The following CTNNA2 variants were observed in gnomAD, a reference collection of about 807,000 sequenced individuals.
The protein encoded by CTNNA2 is catenin alpha-2.
Under a neutral mutation model 101.0 loss-of-function variants are expected in CTNNA2, and 42 were observed. The ratio of observed to expected loss-of-function variants is 0.42; its 90% confidence interval spans 0.32 to 0.54. CTNNA2 has a LOEUF of 0.54. Ranked by LOEUF, CTNNA2 falls within the 20% of genes least tolerant of loss-of-function variation. CTNNA2 has a pLI of 0.14. For synonymous variants in CTNNA2, 450 were observed against 456.4 expected (o/e 0.99, Z 0.18); for missense variants, 871 against 1,223.1 (o/e 0.71, Z 4.29).
At chr2:79,393,177 C>T (rs536102104) in intron 4 of CTNNA2, among the ~76,000 whole-genome samples, 3 of 152,230 alleles carry the variant, frequency 2.0e-5, no homozygotes, top group South Asian at 4.1e-4. Context: ...CCTCAAGCAC[C>T]GTCCCATCCT....
intron 3 of CTNNA2, among the ~76,000 whole-genome samples, chr2:79,796,490 A>G (rs1346099671): frequency 6.6e-6 from 1 of 152,186 alleles, no homozygotes; most frequent in African/African-American, 2.4e-5. Context: ...AAAAACACAT[A>G]AACAGAAAAG....
intron 15 of CTNNA2, chr2:80,601,581 G>C (rs1160078160): frequency 6.6e-6 from 1 of 151,318 alleles, no homozygotes; most frequent in Non-Finnish European, 1.5e-5. Flanking sequence ...ACATATATTT[G>C]AGAAAGCAGC....
At chr2:80,422,801 G>T (rs1574003242) in intron 9 of CTNNA2, among the ~76,000 whole-genome samples, 1 of 152,126 alleles carries the variant, frequency 6.6e-6, no homozygotes, top group Admixed American at 6.5e-5. Context: ...TTTTTTGGAA[G>T]TGAATGTATA....
At chr2:79,882,726 T>A (rs1683539202) in intron 6 of CTNNA2, among the ~76,000 whole-genome samples, 1 of 152,220 alleles carries the variant, frequency 6.6e-6, no homozygotes, top group Non-Finnish European at 1.5e-5. Context: ...GCTGTGGTGC[T>A]GGTCACTACT....
At chr2:80,203,623 C>T (rs1707347585) in intron 7 of CTNNA2, among the ~76,000 whole-genome samples, 1 of 152,246 alleles carries the variant, frequency 6.6e-6, no homozygotes, top group Non-Finnish European at 1.5e-5. Context: ...TATTGCTTCC[C>T]TCCTGGCTGC....
intron 1 of CTNNA2, among the ~76,000 whole-genome samples, chr2:79,615,424 C>T (rs1003868863): frequency 6.6e-6 from 1 of 152,070 alleles, no homozygotes; most frequent in Admixed American, 6.6e-5. Context: ...TTTATAATAG[C>T]TGTCTTGCTT....
Position 80,618,353 on chromosome 2 carries a change from C to A in CTNNA2, c.2431-732C>A, listed in dbSNP as rs181817492. ...GTTCTGAAGATGAACTCTAACTACT[C>A]CTTTTAGTTGTATATTTGATACACG... On this transcript the variant is annotated intron_variant, in intron 17 of 18. Coordinates refer to ENST00000402739, the MANE Select transcript of CTNNA2 (RefSeq NM_001282597.3). Among the ~76,000 whole-genome samples, 230 of 151,830 alleles carry A rather than the reference C, an allele frequency of 1.5e-3. 2 individuals are homozygous for A. The highest frequency in any genetic ancestry group is 5.4e-3 in the African/African-American group (222 of 41,484).
At chr2:80,224,767 C>A (rs1371795895) in intron 7 of CTNNA2, among the ~76,000 whole-genome samples, 1 of 152,100 alleles carries the variant, frequency 6.6e-6, no homozygotes, top group East Asian at 1.9e-4. Context: ...ATTAATGCTA[C>A]AAGAGACCTA....
intron 7 of CTNNA2, among the ~76,000 whole-genome samples, chr2:80,028,799 G>A (rs2104172362): frequency 2.0e-5 from 3 of 152,338 alleles, no homozygotes; most frequent in Admixed American, 2.0e-4. Context: ...TGGGCCAAGG[G>A]CCAGGGAATG....
chr2:80,098,362 TG>T (rs1700304618), intron 7 of CTNNA2, among the ~76,000 whole-genome samples: 1 of 151,938 alleles, frequency 6.6e-6, no homozygotes, highest in Non-Finnish European at 1.5e-5. Flanking sequence ...ATCGTTCCTC[TG>T]GAAGTTTTGT....
intron 1 of CTNNA2, among the ~76,000 whole-genome samples, chr2:79,543,163 A>G (rs1318553813): frequency 2.0e-5 from 3 of 152,148 alleles, no homozygotes; most frequent in Non-Finnish European, 2.9e-5. Context: ...GATCTTTGAT[A>G]TATACTTTTA....
At chr2:80,406,276 G>A (rs1664009446) in intron 8 of CTNNA2, among the ~76,000 whole-genome samples, 1 of 151,862 alleles carries the variant, frequency 6.6e-6, no homozygotes, top group African/African-American at 2.4e-5. Flanking sequence ...GGAGGTTACA[G>A]TGAGTCGAGA....
chr2:79,632,265 C>T (rs1158951193), intron 1 of CTNNA2, among the ~76,000 whole-genome samples: 1 of 151,790 alleles, frequency 6.6e-6, no homozygotes, highest in African/African-American at 2.4e-5. Flanking sequence ...AAGTAAAAAG[C>T]ACTTAAAATT....
chr2:79,600,518 G>A (rs1385957863), intron 1 of CTNNA2, among the ~76,000 whole-genome samples: 1 of 152,102 alleles, frequency 6.6e-6, no homozygotes, highest in East Asian at 1.9e-4. Context: ...CTGATGTATG[G>A]AATGGATTCA....
chr2:79,536,828 A>T (rs938236178), intron 1 of CTNNA2, among the ~76,000 whole-genome samples: 1 of 151,900 alleles, frequency 6.6e-6, no homozygotes, highest in South Asian at 2.1e-4. Flanking sequence ...CAGCCTCCCG[A>T]GTAGCTGGTG....
At chr2:80,617,590 T>C (rs938478637) in intron 17 of CTNNA2, among the ~76,000 whole-genome samples, 1 of 151,784 alleles carries the variant, frequency 6.6e-6, no homozygotes, top group African/African-American at 2.4e-5. Flanking sequence ...CTATTTACTT[T>C]AATTCTTTAA....
intron 3 of CTNNA2, among the ~76,000 whole-genome samples, chr2:79,317,029 G>A (rs1676513497): frequency 6.6e-6 from 1 of 151,906 alleles, no homozygotes; most frequent in African/African-American, 2.4e-5. Flanking sequence ...TTACATGTAG[G>A]GTTTCCATAG....
At chr2:80,294,701 T>G (rs1018751610) in intron 7 of CTNNA2, among the ~76,000 whole-genome samples, 1 of 152,058 alleles carries the variant, frequency 6.6e-6, no homozygotes, top group Non-Finnish European at 1.5e-5. Context: ...ACCAGTTAAC[T>G]CACAATCTGT....
At chr2:79,477,330 C>T (rs1266806292) in intron 4 of CTNNA2, among the ~76,000 whole-genome samples, 2 of 151,852 alleles carry the variant, frequency 1.3e-5, no homozygotes, top group Non-Finnish European at 2.9e-5. Flanking sequence ...GCCACCACAC[C>T]CTGCTGATTT....
Sources: gnomAD v4.1 joint callset for allele counts (sites outside exome capture counted in the v4.1 genomes callset) on GRCh38, gnomAD v4.1.1 for gene constraint, MANE v1.5 for transcripts, NCBI Gene and HGNC (gene_info 2026-07-23, HGNC 2026-07-21) for gene names.